BUB3: variants seen among roughly 807,000 people sequenced by gnomAD.
BUB3 encodes the protein BUB3 mitotic checkpoint protein, also known as mitotic checkpoint protein BUB3.
BUB3 carries 22 observed loss-of-function variants against 39.9 expected under a neutral mutation model. That is an observed-to-expected ratio of 0.55 (90% CI 0.39 to 0.79). BUB3 has a LOEUF of 0.79. BUB3 is among the 30% of genes least tolerant of loss of function. The pLI is 0.00. For missense variants in BUB3, 303 were observed against 415.4 expected, an observed-to-expected ratio of 0.73 and a Z score of 2.35; for synonymous variants, 168 against 155.1, an observed-to-expected ratio of 1.08 and a Z score of -0.62.
In BUB3 at chr10:123,165,884, G is replaced by T. The variant is rs578054733; in HGVS notation, c.*2049G>T. Reference sequence around the variant, plus strand: ...TTAGTGTGATTATGTGCTTCTAAAAGTCCCTAACCACTTGGTTGAGGACAG... The same window carrying T: ...TTAGTGTGATTATGTGCTTCTAAAATTCCCTAACCACTTGGTTGAGGACAG... On this transcript the variant is annotated 3_prime_UTR_variant, in exon 8 of 8. Coordinates refer to ENST00000368865, the MANE Select transcript of BUB3 (RefSeq NM_004725.4). 3.3e-5 allele frequency: 5 copies of T among 152,286 alleles called. No individual in the cohort carries two copies. In the South Asian group the frequency reaches 1.0e-3, roughly 32 times the overall value. The allele number at this position is 152,286 out of a possible 1,614,324, so 9.4% of individuals were successfully genotyped here.
At position 123,164,198 on chromosome 10, in the gene BUB3, T is replaced by C. The variant is rs539329253; in HGVS notation, c.*363T>C. On this transcript the variant is annotated 3_prime_UTR_variant, in exon 8 of 8. Transcript: ENST00000368865. ...TGCATTCTTTCTGGACCTTAAATGG[T>C]AGAGGAAAAGGCTCGTGAGCCATTT... The C allele has an allele frequency of 5.7e-5, 57 of 1,003,032 alleles. No individual in the cohort carries two copies. In the South Asian group the frequency reaches 2.5e-3, roughly 44 times the overall value. The allele number at this position is 1,003,032 out of a possible 1,614,324, so 62.1% of individuals were successfully genotyped here.
At chr10:123,155,254 C>A in intron 2 of BUB3, 142 bp downstream of exon 2, 1 of 966,060 alleles carries the variant, frequency 1.0e-6, no homozygotes, top group Non-Finnish European at 1.5e-6. Flanking sequence ...GGAGCATCTG[C>A]CTTGAACCTG....
At position 123,169,493 on chromosome 10, in the gene BUB3, T is replaced by A. The variant is rs1844526630; in HGVS notation, c.*5658T>A. 6.6e-6 allele frequency: 1 copy of A among 152,208 alleles called. No individual in the cohort carries two copies. Among genetic ancestry groups the A allele is most frequent in the Non-Finnish European group, 1.5e-5 (1 of 68,038 alleles). 9.4% of individuals were successfully genotyped at this position (152,208 alleles called of 1,614,324 possible). On this transcript the variant is annotated 3_prime_UTR_variant, in exon 8 of 8. Transcript: ENST00000368865. ...TTTCAAGACCTTGGCCAACCTTTGG[T>A]CTTCACAGCCACTGCCCTGGTAGTA... is the stretch of plus-strand genomic sequence containing the variant.
intron 2 of BUB3, 23 bp downstream of exon 2, chr10:123,155,135 C>T (rs753758813): frequency 3.1e-6 from 5 of 1,609,140 alleles, no homozygotes; most frequent in South Asian, 2.2e-5. Flanking sequence ...CCGCCCTGCT[C>T]CTGCCCTCTT....
chr10:123,157,989 G>T, intron 4 of BUB3, 109 bp downstream of exon 4: 1 of 1,204,264 alleles, frequency 8.3e-7, no homozygotes, highest in East Asian at 2.6e-5. Flanking sequence ...AGTCAACATG[G>T]GGGGAAAAAA....
chr10:123,163,456 T>C (rs2133571233), intron 7 of BUB3, among the ~76,000 whole-genome samples: 1 of 152,362 alleles, frequency 6.6e-6, no homozygotes, highest in African/African-American at 2.4e-5. Context: ...TACTTCAGCA[T>C]GTGTTAAACT....
Position 123,168,567 on chromosome 10 carries a change from G to A in BUB3, c.*4732G>A, listed in dbSNP as rs11248422. 4.0e-5 allele frequency: 6 copies of A among 150,154 alleles called. No individual in the cohort carries two copies. The highest frequency in any genetic ancestry group is 4.2e-4 in the South Asian group (2 of 4,758). 9.3% of individuals were successfully genotyped at this position (150,154 alleles called of 1,614,324 possible). ...GATTTTTTGTGATTTTTTTTTTTTC[G>A]AGACACAGTCTCGTTCTGTCGCCCA... is the stretch of plus-strand genomic sequence containing the variant. On this transcript the variant is annotated 3_prime_UTR_variant, in exon 8 of 8. Coordinates refer to ENST00000368865, the MANE Select transcript of BUB3 (RefSeq NM_004725.4).
At chr10:123,163,077 C>T (rs1253527266) in intron 7 of BUB3, 2 of 452,242 alleles carry the variant, frequency 4.4e-6, no homozygotes, top group Non-Finnish European at 7.7e-6. Context: ...TGAATAGGCT[C>T]TATTATTTGA....
At chr10:123,157,379 G>A (rs899025594) in intron 3 of BUB3, among the ~76,000 whole-genome samples, 1 of 152,178 alleles carries the variant, frequency 6.6e-6, no homozygotes, top group African/African-American at 2.4e-5. Flanking sequence ...CACTAGATAC[G>A]GGCAGAGATC....
chr10:123,160,588 C>G, intron 5 of BUB3, 23 bp downstream of exon 5: 2 of 1,511,114 alleles, frequency 1.3e-6, no homozygotes, highest in Non-Finnish European at 1.8e-6. Flanking sequence ...ACCTCCTCTT[C>G]TTTCTGGAAT....
intron 7 of BUB3, 90 bp from the exon 8 acceptor site, chr10:123,163,730 G>A: frequency 8.4e-7 from 1 of 1,183,848 alleles, no homozygotes; most frequent in Non-Finnish European, 1.2e-6. Flanking sequence ...ATAAAGGGCT[G>A]TGTTTGCATT....
chr10:123,164,077 A>C lies in BUB3; in HGVS notation c.*242A>C. 2.5e-6 allele frequency: 3 copies of C among 1,191,246 alleles called. No individual in the cohort carries two copies. The highest frequency in any genetic ancestry group is 3.1e-6 in the Non-Finnish European group (3 of 961,906). The allele number at this position is 1,191,246 out of a possible 1,614,324, so 73.8% of individuals were successfully genotyped here. A position where few individuals can be genotyped will look rare whatever the true frequency, so the allele number is the denominator to read the frequency against. On this transcript the variant is annotated 3_prime_UTR_variant, in exon 8 of 8. Coordinates refer to ENST00000368865, the MANE Select transcript of BUB3 (RefSeq NM_004725.4). ...TTTGGGCAAACAAAATTGGAGGGCA[A>C]GTGACTGCAGTTTTGAGAATCAGTT...
In BUB3 at chr10:123,167,919, A is replaced by G. The variant is rs1465291419; in HGVS notation, c.*4084A>G. The G allele has an allele frequency of 2.0e-5, 3 of 152,210 alleles. No individual in the cohort carries two copies. Among genetic ancestry groups the G allele is most frequent in the Non-Finnish European group, 4.4e-5 (3 of 68,036 alleles). The allele number at this position is 152,210 out of a possible 1,614,324, so 9.4% of individuals were successfully genotyped here. A position where few individuals can be genotyped will look rare whatever the true frequency, so the allele number is the denominator to read the frequency against. On this transcript the variant is annotated 3_prime_UTR_variant, in exon 8 of 8. Coordinates refer to ENST00000368865, the MANE Select transcript of BUB3 (RefSeq NM_004725.4). Reference sequence around the variant, plus strand: ...TTAAATTGAGTTAAACAAATTTACAAGTTGACAAATTACATTTACAAATTT... The same window carrying G: ...TTAAATTGAGTTAAACAAATTTACAGGTTGACAAATTACATTTACAAATTT...
intron 5 of BUB3, 87 bp downstream of exon 5, chr10:123,160,652 C>CT: frequency 8.2e-7 from 1 of 1,220,830 alleles, no homozygotes; most frequent in South Asian, 2.4e-5. Flanking sequence ...CCCCTAAAGC[C>CT]TTCTTTTTTT....
At chr10:123,155,341 C>CT (rs2133564541) in intron 2 of BUB3, among the ~76,000 whole-genome samples, 1 of 152,280 alleles carries the variant, frequency 6.6e-6, no homozygotes, top group South Asian at 2.1e-4. Context: ...TGGAGTAACT[C>CT]TAAACTTTCT....
chr10:123,157,647 T>A, intron 3 of BUB3, 82 bp from the exon 4 acceptor site: 6 of 1,442,778 alleles, frequency 4.2e-6, no homozygotes, highest in Non-Finnish European at 4.6e-6. Context: ...TGAATGTTTC[T>A]TTTAATTGTT....
At chr10:123,157,701 G>GT (rs746168607) in intron 3 of BUB3, 28 bp from the exon 4 acceptor site, 19 of 1,547,822 alleles carry the variant, frequency 1.2e-5, no homozygotes, top group East Asian at 2.3e-5. Flanking sequence ...AGATGTTGGG[G>GT]TTTTTTCCCC....
intron 5 of BUB3, among the ~76,000 whole-genome samples, chr10:123,161,095 T>TA (rs1021288463): frequency 6.6e-6 from 1 of 152,194 alleles, no homozygotes; most frequent in Non-Finnish European, 1.5e-5. Context: ...GACTGACTCT[T>TA]GATGTACAGG....
intron 5 of BUB3, 151 bp from the exon 6 acceptor site, chr10:123,162,085 A>G (rs1420976403): frequency 3.0e-6 from 2 of 670,508 alleles, no homozygotes; most frequent in Non-Finnish European, 5.0e-6. Context: ...CGTCATAACC[A>G]TGTTAGTACA....
Sources: allele counts gnomAD v4.1 joint callset (sites outside exome capture counted in the v4.1 genomes callset), GRCh38; gene constraint gnomAD v4.1.1; transcripts MANE v1.5; gene names NCBI Gene and HGNC (gene_info 2026-07-23, HGNC 2026-07-21).